The following PTPRD variants were observed in gnomAD, a reference collection of about 807,000 sequenced individuals.
PTPRD encodes receptor-type tyrosine-protein phosphatase delta.
Under a neutral mutation model 214.5 loss-of-function variants are expected in PTPRD, and 34 were observed. The observed-to-expected ratio is 0.16, with a 90% CI of 0.12 to 0.21. PTPRD has a LOEUF of 0.21. Among genes scored for constraint, PTPRD ranks in the 10% least tolerant of loss-of-function variants. The pLI, the probability that PTPRD is intolerant of heterozygous loss-of-function variation, is 1.00. For synonymous variants in PTPRD, 1,128 were observed against 845.7 expected (o/e 1.33, Z -5.79); for missense variants, 2,545 against 2,398.7 (o/e 1.06, Z -1.27).
At chr9:9,789,934 G>T (rs1350979099) in intron 5 of PTPRD, among the ~76,000 whole-genome samples, 1 of 151,738 alleles carries the variant, frequency 6.6e-6, no homozygotes, top group Non-Finnish European at 1.5e-5. Flanking sequence ...ATTATATTCA[G>T]GTCTTCAAAA....
intron 11 of PTPRD, among the ~76,000 whole-genome samples, chr9:8,953,729 C>A (rs866189168): frequency 1.4e-4 from 21 of 151,892 alleles, no homozygotes; most frequent in African/African-American, 4.8e-4. Flanking sequence ...TACAAGCAAC[C>A]CACAAACATA....
chr9:8,535,342 A>G (rs1564143494), intron 14 of PTPRD, among the ~76,000 whole-genome samples: 2 of 151,996 alleles, frequency 1.3e-5, no homozygotes, highest in Admixed American at 6.6e-5. Context: ...ACACGCAACT[A>G]AATTTAAAGC....
chr9:8,522,778 C>T (rs1027526303), intron 19 of PTPRD, among the ~76,000 whole-genome samples: 1 of 152,030 alleles, frequency 6.6e-6, no homozygotes, highest in Non-Finnish European at 1.5e-5. Context: ...AATGTCATAC[C>T]ATAAGAATTT....
chr9:9,126,274 A>C (rs540587544), intron 10 of PTPRD, among the ~76,000 whole-genome samples: 59 of 152,348 alleles, frequency 3.9e-4, no homozygotes, highest in South Asian at 1.2e-3. Flanking sequence ...GCAGGATTCA[A>C]AACATTTAGC....
At chr9:9,853,239 A>G (rs1329767882) in intron 5 of PTPRD, among the ~76,000 whole-genome samples, 1 of 152,220 alleles carries the variant, frequency 6.6e-6, no homozygotes, top group African/African-American at 2.4e-5. Context: ...GCAGCATAGG[A>G]GCTATAGACA....
intron 3 of PTPRD, among the ~76,000 whole-genome samples, chr9:10,145,277 G>T (rs56411609): frequency 0.051 from 7,829 of 152,048 alleles, 286 homozygotes; most frequent in Admixed American, 0.1. Flanking sequence ...GTGTTTGTTT[G>T]TATTGTTGAC....
chr9:9,091,531 C>A (rs2099775884), intron 10 of PTPRD, among the ~76,000 whole-genome samples: 1 of 152,094 alleles, frequency 6.6e-6, no homozygotes, highest in South Asian at 2.1e-4. Flanking sequence ...GTAATAGTCC[C>A]CATTTCCAGT....
chr9:9,948,134 T>C (rs2093025314), intron 4 of PTPRD, among the ~76,000 whole-genome samples: 1 of 152,094 alleles, frequency 6.6e-6, no homozygotes, highest in South Asian at 2.1e-4. Flanking sequence ...TTACTATTTA[T>C]TTGCCTTATG....
At chr9:8,934,774 C>T (rs901783013) in intron 11 of PTPRD, among the ~76,000 whole-genome samples, 12 of 151,274 alleles carry the variant, frequency 7.9e-5, no homozygotes, top group African/African-American at 2.9e-4. Flanking sequence ...CTGTCTCTCC[C>T]ACTCTCTAGC....
At chr9:9,341,688 T>C (rs1307787999) in intron 9 of PTPRD, among the ~76,000 whole-genome samples, 1 of 152,158 alleles carries the variant, frequency 6.6e-6, no homozygotes, top group Non-Finnish European at 1.5e-5. Context: ...AGGGCTGGAA[T>C]GATCACTTCT....
chr9:8,381,192 C>A (rs1398582369), intron 37 of PTPRD, among the ~76,000 whole-genome samples: 1 of 152,056 alleles, frequency 6.6e-6, no homozygotes, highest in Non-Finnish European at 1.5e-5. Context: ...GACAAACAGG[C>A]TAACATTAGA....
chr9:9,346,250 C>T (rs984334516), intron 9 of PTPRD, among the ~76,000 whole-genome samples: 1 of 152,046 alleles, frequency 6.6e-6, no homozygotes, highest in Non-Finnish European at 1.5e-5. Flanking sequence ...AAAGATTCTT[C>T]CAGATATTTG....
chr9:8,800,707 A>T (rs1459721735), intron 11 of PTPRD, among the ~76,000 whole-genome samples: 1 of 152,216 alleles, frequency 6.6e-6, no homozygotes, highest in African/African-American at 2.4e-5. Context: ...TCTATGGAGT[A>T]GCCATTCTTT....
intron 5 of PTPRD, among the ~76,000 whole-genome samples, chr9:9,784,125 C>T (rs1237433903): frequency 6.6e-6 from 1 of 152,000 alleles, no homozygotes; most frequent in Non-Finnish European, 1.5e-5. Flanking sequence ...ATAAGCAAAG[C>T]CATATTTGCT....
intron 7 of PTPRD, among the ~76,000 whole-genome samples, chr9:9,597,553 A>C (rs1304499339): frequency 6.6e-6 from 1 of 152,062 alleles, no homozygotes; most frequent in Non-Finnish European, 1.5e-5. Context: ...TTCAAGAGGA[A>C]AAGTACCGTA....
chr9:8,721,876 A>G (rs906523807), intron 12 of PTPRD, among the ~76,000 whole-genome samples: 2 of 152,204 alleles, frequency 1.3e-5, no homozygotes, highest in African/African-American at 2.4e-5. Flanking sequence ...ATTAATTAGA[A>G]GGGCATTATC....
At chr9:8,633,700 A>G (rs895420973) in intron 13 of PTPRD, among the ~76,000 whole-genome samples, 7 of 152,080 alleles carry the variant, frequency 4.6e-5, no homozygotes, top group African/African-American at 1.4e-4. Flanking sequence ...CCTACTAAAA[A>G]CTACCAGGGT....
At chr9:8,617,274 G>A (rs545889259) in intron 14 of PTPRD, among the ~76,000 whole-genome samples, 2 of 152,194 alleles carry the variant, frequency 1.3e-5, no homozygotes, top group East Asian at 3.9e-4. Context: ...GGAGAATGAA[G>A]ATGTCTACTC....
intron 2 of PTPRD, among the ~76,000 whole-genome samples, chr9:10,464,200 C>T (rs866674862): frequency 1.3e-5 from 2 of 151,978 alleles, no homozygotes; most frequent in Non-Finnish European, 2.9e-5. Flanking sequence ...GAGTTTCAGA[C>T]CAGCCTGACC....
Sources: allele counts gnomAD v4.1 joint callset (sites outside exome capture counted in the v4.1 genomes callset), GRCh38; gene constraint gnomAD v4.1.1; transcripts MANE v1.5; gene names NCBI Gene and HGNC (gene_info 2026-07-23, HGNC 2026-07-21).